Variants in WNT6 observed in about 807,000 individuals in gnomAD.
WNT6 encodes the protein Wnt family member 6.
In WNT6, 27 loss-of-function variants were observed where a neutral mutation model predicts 33.1. That is an observed-to-expected ratio of 0.82 (90% CI 0.60 to 1.12). The LOEUF (loss-of-function observed/expected upper bound fraction) is 1.12, where lower values mean the gene tolerates loss of function less well. Ranked by LOEUF, WNT6 falls within the 50% of genes most tolerant of loss-of-function variation. The probability of loss-of-function intolerance (pLI) is 0.00; values close to 1 mark genes in which losing one functional copy is unlikely to be tolerated. For synonymous variants in WNT6, 249 were observed against 242.8 expected (o/e 1.03, Z -0.24); for missense variants, 494 against 535.3 (o/e 0.92, Z 0.76).
In WNT6 at chr2:218,859,933, G is replaced by A; in HGVS notation, c.-105G>A. 1 of 983,368 alleles carries A rather than the reference G, an allele frequency of 1.0e-6. No individual in the cohort carries two copies. The highest frequency in any genetic ancestry group is 1.3e-6 in the Non-Finnish European group (1 of 786,082). The allele number at this position is 983,368 out of a possible 1,614,324, so 60.9% of individuals were successfully genotyped here. On this transcript the variant is annotated 5_prime_UTR_variant, in exon 1 of 4. Coordinates refer to ENST00000233948, the MANE Select transcript of WNT6 (RefSeq NM_006522.4). ...CCGGATCCCTCGCCTCCCGGCCGCCGCCGTTGCGCTCGCCGCGCTCGCACT... is the reference window on the plus strand; with the variant it reads ...CCGGATCCCTCGCCTCCCGGCCGCCACCGTTGCGCTCGCCGCGCTCGCACT...
At position 218,872,781 on chromosome 2, in the gene WNT6, G is replaced by A. The variant is rs115921355; in HGVS notation, c.637-603G>A. Among the ~76,000 whole-genome samples, 1,322 of 152,220 alleles carry A rather than the reference G, an allele frequency of 8.7e-3. 16 individuals carry two copies. The highest frequency in any genetic ancestry group is 0.03 in the African/African-American group (1,258 of 41,536). On this transcript the variant is annotated intron_variant, in intron 3 of 3. Coordinates refer to ENST00000233948, the MANE Select transcript of WNT6 (RefSeq NM_006522.4). ...CCCAGCGGGCCCTCCTGCACCCCAT[G>A]CCTCCGTTCTAGCGTTCTCCAGGGA...
Position 218,871,647 on chromosome 2 carries a change from C to CG in WNT6, c.464_465insG (p.Gly156TrpfsTer157). ...GGCCTGCCCGGCACCCCCGGACCCC[C>CG]TGGCCCCGCGGGCTCCCCGGAAGGC... On this transcript the variant is annotated frameshift_variant, in exon 3 of 4. Coordinates refer to ENST00000233948, the MANE Select transcript of WNT6 (RefSeq NM_006522.4). LOFTEE classifies it high-confidence loss of function. The surrounding 1 kb of genome is among the most constrained non-coding windows in gnomAD (Gnocchi z 6.4). 2 of 1,498,400 alleles carry CG rather than the reference C, an allele frequency of 1.3e-6. No individual in the cohort carries two copies. Among genetic ancestry groups the CG allele is most frequent in the Non-Finnish European group, 1.8e-6 (2 of 1,126,234 alleles). The allele number at this position is 1,498,400 out of a possible 1,614,324, so 92.8% of individuals were successfully genotyped here.
intron 3 of WNT6, among the ~76,000 whole-genome samples, chr2:218,872,863 AG>A (rs753270438): frequency 2.6e-5 from 4 of 151,878 alleles, no homozygotes; most frequent in Non-Finnish European, 4.4e-5. Context: ...GGGCAGGGGG[AG>A]GAGGGGGCCT....
chr2:218,859,929 C>A lies in WNT6; in HGVS notation c.-109C>A. 1 of 936,416 alleles carries A rather than the reference C, an allele frequency of 1.1e-6. No homozygotes were observed. The highest frequency in any genetic ancestry group is 1.3e-6 in the Non-Finnish European group (1 of 745,896). 58.0% of individuals were successfully genotyped at this position (936,416 alleles called of 1,614,324 possible). On this transcript the variant is annotated 5_prime_UTR_variant, in exon 1 of 4. Coordinates refer to ENST00000233948, the MANE Select transcript of WNT6 (RefSeq NM_006522.4). ...GCCGCCGGATCCCTCGCCTCCCGGC[C>A]GCCGCCGTTGCGCTCGCCGCGCTCG...
Position 218,871,248 on chromosome 2 carries a change from G to T in WNT6, c.301+1G>T. 1 of 1,607,566 alleles carries T rather than the reference G, an allele frequency of 6.2e-7. No homozygotes were observed. Among genetic ancestry groups the T allele is most frequent in the Non-Finnish European group, 8.5e-7 (1 of 1,175,802 alleles). The stretch of plus-strand genomic sequence containing the variant: ...GCCTTTGGACGCATCCTGCAACAGG[G>T]TCAGTGTGGGGAGGGGGCGGAAGTG... On this transcript the variant is annotated splice_donor_variant, in intron 2 of 3. Coordinates refer to ENST00000233948, the MANE Select transcript of WNT6 (RefSeq NM_006522.4). LOFTEE classifies it high-confidence loss of function. This position sits in a 1 kb window ranked among gnomAD's most constrained non-coding sequence, Gnocchi z 6.4.
In WNT6 at chr2:218,871,911, T is replaced by G; in HGVS notation, c.636+92T>G. On this transcript the variant is annotated intron_variant, in intron 3 of 3. Coordinates refer to ENST00000233948, the MANE Select transcript of WNT6 (RefSeq NM_006522.4). This position sits in a 1 kb window ranked among gnomAD's most constrained non-coding sequence, Gnocchi z 6.4. ...GGAAGTGTTGGCAGGAGTGAGGGTG[T>G]GTAGGTGGAGGGGGGCGTTAATGTG... is the stretch of plus-strand genomic sequence containing the variant. 4 of 737,404 alleles carry G rather than the reference T, an allele frequency of 5.4e-6. No individual in the cohort carries two copies. Among genetic ancestry groups the G allele is most frequent in the South Asian group, 5.4e-5 (2 of 37,188 alleles). 45.7% of individuals were successfully genotyped at this position (737,404 alleles called of 1,614,324 possible).
intron 1 of WNT6, among the ~76,000 whole-genome samples, chr2:218,870,280 G>T (rs1266674091): frequency 6.6e-6 from 1 of 151,848 alleles, no homozygotes; most frequent in Non-Finnish European, 1.5e-5. Flanking sequence ...AGAAGGGTCA[G>T]TGTCACCTAC....
At position 218,873,294 on chromosome 2, in the gene WNT6, C is replaced by A; in HGVS notation, c.637-90C>A. ...CATTTTCCTCTCTTCCTTTCACCTC[C>A]CATTCCCAATCTTATTTTCTGTCCA... On this transcript the variant is annotated intron_variant, in intron 3 of 3. Transcript: ENST00000233948. This position sits in a 1 kb window ranked among gnomAD's most constrained non-coding sequence, Gnocchi z 6.1. 7.8e-7 allele frequency: 1 copy of A among 1,281,606 alleles called. No individual in the cohort carries two copies. Among genetic ancestry groups the A allele is most frequent in the Non-Finnish European group, 1.1e-6 (1 of 944,020 alleles). 79.4% of individuals were successfully genotyped at this position (1,281,606 alleles called of 1,614,324 possible).
rs549048816 is a variant in WNT6, at chr2:218,863,993, C to A, written c.80+3876C>A. On this transcript the variant is annotated intron_variant, in intron 1 of 3. Coordinates refer to ENST00000233948, the MANE Select transcript of WNT6 (RefSeq NM_006522.4). Reference sequence around the variant, plus strand: ...GAAATCATCTTGTCCAGCCTCATTGCATCCAGGTCATCCAGCCTATCCTGT... The same window carrying A: ...GAAATCATCTTGTCCAGCCTCATTGAATCCAGGTCATCCAGCCTATCCTGT... 1.1e-4 allele frequency among the ~76,000 whole-genome samples: 16 copies of A among 152,350 alleles called. 1 individual carries two copies. The South Asian group carries it at 3.1e-3, about 30-fold the overall frequency.
intron 1 of WNT6, among the ~76,000 whole-genome samples, chr2:218,870,743 A>T (rs1180730183): frequency 6.6e-6 from 1 of 152,218 alleles, no homozygotes; most frequent in Non-Finnish European, 1.5e-5. Context: ...AGCTGCCTTC[A>T]CCTTGAGTAA....
rs1296116840 is a variant in WNT6, at chr2:218,873,442, C to T, written c.695C>T (p.Ala232Val). ...CKCHGLSGSCALRTCWQKLPP... is the reference protein window; with the variant it reads ...CKCHGLSGSCVLRTCWQKLPP... ...TGCCACGGGCTGTCGGGATCATGCGCGCTGCGCACCTGCTGGCAGAAGCTG... is the reference window on the plus strand; with the variant it reads ...TGCCACGGGCTGTCGGGATCATGCGTGCTGCGCACCTGCTGGCAGAAGCTG... The change falls in exon 4 of 4, where the codon GCG (alanine) becomes GTG (valine). Residue 232 changes from alanine to valine, a missense_variant. Physicochemically the swap from Ala to Val is moderately conservative, Grantham distance 64. Transcript: ENST00000233948. The surrounding 1 kb of genome is among the most constrained non-coding windows in gnomAD (Gnocchi z 6.1). The T allele has an allele frequency of 4.6e-6, 7 of 1,538,346 alleles. No homozygotes were observed. The South Asian group carries it at 8.3e-5, about 18-fold the overall frequency.
In WNT6 at chr2:218,871,639, C is replaced by G; in HGVS notation, c.456C>G (p.Pro152=). The G allele has an allele frequency of 6.7e-7, 1 of 1,484,678 alleles. No individual in the cohort carries two copies. Among genetic ancestry groups the G allele is most frequent in the East Asian group, 2.8e-5 (1 of 35,790 alleles). The allele number at this position is 1,484,678 out of a possible 1,614,324, so 92.0% of individuals were successfully genotyped here. The change falls in exon 3 of 4, where the codon CCC becomes CCG. Residue 152 remains proline (P), a synonymous_variant. Coordinates refer to ENST00000233948, the MANE Select transcript of WNT6 (RefSeq NM_006522.4). This position sits in a 1 kb window ranked among gnomAD's most constrained non-coding sequence, Gnocchi z 6.4. ...PPRPSGLPGT[P]GPPGPAGSPE... The stretch of plus-strand genomic sequence containing the variant: ...GGCCCTCCGGCCTGCCCGGCACCCC[C>G]GGACCCCCTGGCCCCGCGGGCTCCC...
Position 218,873,267 on chromosome 2 carries a change from T to C in WNT6, c.637-117T>C. 1 of 1,069,684 alleles carries C rather than the reference T, an allele frequency of 9.3e-7. No homozygotes were observed. Among genetic ancestry groups the C allele is most frequent in the Non-Finnish European group, 1.3e-6 (1 of 759,944 alleles). 66.3% of individuals were successfully genotyped at this position (1,069,684 alleles called of 1,614,324 possible). ...CCTGAACTTGCGGTCTCCTTTTGTC[T>C]GCATTTTCCTCTCTTCCTTTCACCT... On this transcript the variant is annotated intron_variant, in intron 3 of 3. Coordinates refer to ENST00000233948, the MANE Select transcript of WNT6 (RefSeq NM_006522.4). The surrounding 1 kb of genome is among the most constrained non-coding windows in gnomAD (Gnocchi z 6.1).
chr2:218,871,233 G>A lies in WNT6; in HGVS notation c.287G>A (p.Arg96His), dbSNP rs1269438985. ...TCCAGCCACAGCAAGGCCTTTGGACGCATCCTGCAACAGGGTCAGTGTGGG... is the reference window on the plus strand; with the variant it reads ...TCCAGCCACAGCAAGGCCTTTGGACACATCCTGCAACAGGGTCAGTGTGGG... ...NCSSHSKAFGRILQQDIRETA... is the reference protein window; with the variant it reads ...NCSSHSKAFGHILQQDIRETA... The change falls in exon 2 of 4, where the codon CGC becomes CAC. Residue 96 changes from arginine (R) to histidine (H), a missense_variant. Transcript: ENST00000233948. The surrounding 1 kb of genome is among the most constrained non-coding windows in gnomAD (Gnocchi z 6.4). The A allele has an allele frequency of 1.9e-6, 3 of 1,610,486 alleles. No homozygotes were observed. Among genetic ancestry groups the A allele is most frequent in the Non-Finnish European group, 2.5e-6 (3 of 1,177,778 alleles).
At chr2:218,866,904 C>G (rs960962225) in intron 1 of WNT6, among the ~76,000 whole-genome samples, 2 of 152,078 alleles carry the variant, frequency 1.3e-5, no homozygotes, top group African/African-American at 4.8e-5. Flanking sequence ...TTAATTATAC[C>G]ACTGGCAGGA....
chr2:218,864,103 C>A (rs1944333115), intron 1 of WNT6, among the ~76,000 whole-genome samples: 1 of 152,202 alleles, frequency 6.6e-6, no homozygotes, highest in Non-Finnish European at 1.5e-5. Flanking sequence ...CTGCTCCTTG[C>A]TCCGGCCTTG....
intron 1 of WNT6, among the ~76,000 whole-genome samples, chr2:218,870,334 C>T (rs987923050): frequency 3.3e-5 from 5 of 152,172 alleles, no homozygotes; most frequent in Non-Finnish European, 5.9e-5. Flanking sequence ...CTCCTTCTTC[C>T]TGCTCTCCAG....
intron 1 of WNT6, among the ~76,000 whole-genome samples, chr2:218,860,346 C>T (rs958870262): frequency 2.0e-5 from 3 of 152,278 alleles, no homozygotes; most frequent in Admixed American, 1.3e-4. Flanking sequence ...CCAAGTTATG[C>T]GCTCACCCAG....
chr2:218,869,684 T>A (rs1944383958), intron 1 of WNT6, among the ~76,000 whole-genome samples: 1 of 152,214 alleles, frequency 6.6e-6, no homozygotes, highest in African/African-American at 2.4e-5. Flanking sequence ...AGGAGCATTC[T>A]GATGAGAGCA....
Sources: allele counts gnomAD v4.1 joint callset (sites outside exome capture counted in the v4.1 genomes callset), GRCh38; gene constraint gnomAD v4.1.1; non-coding constraint Gnocchi (gnomAD v3.1); transcripts MANE v1.5; gene names NCBI Gene and HGNC (gene_info 2026-07-23, HGNC 2026-07-21).